The following TLN2 variants were observed in gnomAD, a reference collection of about 807,000 sequenced individuals.
TLN2 encodes talin-2.
In TLN2, 118 loss-of-function variants were observed where a neutral mutation model predicts 294.7. The observed-to-expected ratio is 0.40, with a 90% CI of 0.34 to 0.47. The LOEUF (loss-of-function observed/expected upper bound fraction) is 0.47, where lower values mean the gene tolerates loss of function less well. Ranked by LOEUF, TLN2 falls within the 20% of genes least tolerant of loss-of-function variation. TLN2 has a pLI of 0.84. For missense variants in TLN2, 3,083 were observed against 3,282.2 expected (o/e 0.94, Z 1.48); for synonymous variants, 1,431 against 1,304.5 (o/e 1.10, Z -2.09).
rs138427569 is a variant in TLN2 at position 62,641,639 on chromosome 15, A to T, written c.-36-5636A>T. Among the ~76,000 whole-genome samples, 435 of 125,106 alleles carry T rather than the reference A, an allele frequency of 3.5e-3. 1 individual carries two copies. Among genetic ancestry groups the T allele is most frequent in the African/African-American group, 9.2e-3 (336 of 36,588 alleles). 82.1% of individuals were successfully genotyped at this position (125,106 alleles called of 152,430 possible). On this transcript the variant is annotated intron_variant, in intron 3 of 58. Coordinates refer to ENST00000636159, the MANE Select transcript of TLN2 (RefSeq NM_015059.3). ...TCCATCTAAAAAATAAAAATAAAAA[A>T]AAAATAATAATAACAAGCCCTTACC...
chr15:62,649,352 T>G (rs962718820), intron 4 of TLN2, among the ~76,000 whole-genome samples: 1 of 152,066 alleles, frequency 6.6e-6, no homozygotes, highest in African/African-American at 2.4e-5. Flanking sequence ...GGTATAAACC[T>G]TTAAAGATTT....
Position 62,796,277 on chromosome 15 carries a change from A to G in TLN2, c.6034A>G (p.Thr2012Ala), listed in dbSNP as rs2065470293. The G allele has an allele frequency of 1.2e-6, 2 of 1,613,736 alleles. No homozygotes were observed. Among genetic ancestry groups the G allele is most frequent in the Admixed American group, 1.7e-5 (1 of 59,968 alleles). Residue 2012 changes from threonine to alanine, a missense_variant, in exon 47 of 59, where the codon ACC (threonine) becomes GCC (alanine). Transcript: ENST00000636159. Reference sequence around the variant, plus strand: ...GACGCTGAATGCAGAGAACAGTGAGACCTTCGCAGACCACAGGTACGTGGG... The same window carrying G: ...GACGCTGAATGCAGAGAACAGTGAGGCCTTCGCAGACCACAGGTACGTGGG... ...AGTLNAENSE[T>A]FADHRENILK...
rs1010592315 is a variant in TLN2, at chr15:62,701,276, T to A, written c.1696+62T>A. The A allele has an allele frequency of 1.5e-4, 196 of 1,324,658 alleles. 2 individuals carry two copies. The highest frequency in any genetic ancestry group is 2.6e-4 in the African/African-American group (17 of 66,570). 82.1% of individuals were successfully genotyped at this position (1,324,658 alleles called of 1,614,324 possible). ...TGTTTAAAAGCTGTGTTTTTTTTTT[T>A]AATTTTAAAAAATAAGTTATCTGTT... On this transcript the variant is annotated intron_variant, in intron 17 of 58. Transcript: ENST00000636159.
At chr15:62,620,367 G>C (rs1310970596) in intron 3 of TLN2, among the ~76,000 whole-genome samples, 1 of 152,124 alleles carries the variant, frequency 6.6e-6, no homozygotes, top group Non-Finnish European at 1.5e-5. Context: ...ACTGGAAGAA[G>C]TTTTCCGTGA....
intron 37 of TLN2, among the ~76,000 whole-genome samples, chr15:62,758,890 G>A (rs2062478076): frequency 6.6e-6 from 1 of 152,182 alleles, no homozygotes; most frequent in African/African-American, 2.4e-5. Flanking sequence ...TTATTGTCTG[G>A]AGAATTGGGA....
intron 1 of TLN2, among the ~76,000 whole-genome samples, chr15:62,556,913 CTG>C (rs1232547823): frequency 6.6e-6 from 1 of 152,150 alleles, no homozygotes; most frequent in Non-Finnish European, 1.5e-5. Context: ...ATCAAATTAA[CTG>C]TAATCAGGGG....
At chr15:62,701,725 G>A (rs1393511049) in intron 17 of TLN2, among the ~76,000 whole-genome samples, 1 of 152,172 alleles carries the variant, frequency 6.6e-6, no homozygotes, top group Non-Finnish European at 1.5e-5. Flanking sequence ...GGGGCCTAAT[G>A]AAAAGGGCTG....
At chr15:62,833,670 C>A (rs115937989) in intron 55 of TLN2, 41 bp downstream of exon 55, 1 of 1,598,442 alleles carries the variant, frequency 6.3e-7, no homozygotes, top group Non-Finnish European at 8.5e-7. Context: ...ACTCAACGTA[C>A]GAGAGCCTCA....
chr15:62,560,282 C>G (rs1359918955), intron 1 of TLN2, among the ~76,000 whole-genome samples: 1 of 152,132 alleles, frequency 6.6e-6, no homozygotes, highest in Non-Finnish European at 1.5e-5. Context: ...GCTCTGCCAC[C>G]CAGGCTGGAG....
intron 1 of TLN2, among the ~76,000 whole-genome samples, chr15:62,457,297 C>G (rs1216989082): frequency 1.3e-5 from 2 of 152,128 alleles, no homozygotes; most frequent in Admixed American, 1.3e-4. Flanking sequence ...GGCAGGCTCT[C>G]TGGCATCTCC....
chr15:62,641,454 T>C (rs914170943), intron 3 of TLN2, among the ~76,000 whole-genome samples: 3 of 151,738 alleles, frequency 2.0e-5, no homozygotes, highest in Admixed American at 2.0e-4. Context: ...CCATCTCTAC[T>C]AAAAATACAA....
chr15:62,693,700 A>G (rs2058097744), intron 13 of TLN2, among the ~76,000 whole-genome samples: 1 of 152,146 alleles, frequency 6.6e-6, no homozygotes, highest in Admixed American at 6.5e-5. Context: ...CATTCAAAAA[A>G]CCAAGATTTA....
intron 1 of TLN2, among the ~76,000 whole-genome samples, chr15:62,558,359 T>C (rs2042722040): frequency 6.6e-6 from 1 of 152,204 alleles, no homozygotes. Context: ...GTGAGCTTCT[T>C]AAGGACCTGC....
intron 3 of TLN2, among the ~76,000 whole-genome samples, chr15:62,626,651 C>G (rs1322334779): frequency 6.6e-6 from 1 of 152,192 alleles, no homozygotes; most frequent in Non-Finnish European, 1.5e-5. Flanking sequence ...TAGAAGGCCA[C>G]TCTGACATCA....
At chr15:62,811,438 T>C (rs1471047705) in intron 52 of TLN2, among the ~76,000 whole-genome samples, 4 of 152,200 alleles carry the variant, frequency 2.6e-5, no homozygotes, top group African/African-American at 4.8e-5. Context: ...TTAAAGACAG[T>C]AACACCAGCA....
intron 1 of TLN2, among the ~76,000 whole-genome samples, chr15:62,493,065 T>C (rs980933114): frequency 2.0e-5 from 3 of 152,156 alleles, no homozygotes; most frequent in Non-Finnish European, 2.9e-5. Context: ...TCTGGCCTTC[T>C]TTGGGGGTGC....
chr15:62,727,177 G>A lies in TLN2; in HGVS notation c.3346G>A (p.Glu1116Lys), dbSNP rs200129296. The change falls in exon 28 of 59, where the codon GAA becomes AAA. Residue 1116 changes from glutamate (E) to lysine (K), a missense_variant. Glu to Lys is a moderately conservative substitution (Grantham distance 56). Transcript: ENST00000636159. ...GCTGACCTGTGCTGCTCAAGGCAACGAACACTACACAGGTGAGACCCACGC... is the reference window on the plus strand; with the variant it reads ...GCTGACCTGTGCTGCTCAAGGCAACAAACACTACACAGGTGAGACCCACGC... ...QLLTCAAQGN[E>K]HYTGVAARET... 8.1e-6 allele frequency: 13 copies of A among 1,614,152 alleles called. No homozygotes were observed. The highest frequency in any genetic ancestry group is 2.7e-5 in the African/African-American group (2 of 75,046).
At chr15:62,824,090 A>C (rs1333807583) in intron 54 of TLN2, 1 of 442,876 alleles carries the variant, frequency 2.3e-6, no homozygotes, top group South Asian at 1.7e-5. Flanking sequence ...AGGAAAGAAC[A>C]CGTTAAAATC....
chr15:62,777,109 C>T (rs2063770180), intron 43 of TLN2, among the ~76,000 whole-genome samples, 199 bp downstream of exon 43: 1 of 152,044 alleles, frequency 6.6e-6, no homozygotes, highest in Non-Finnish European at 1.5e-5. Context: ...GCCAGTTGTG[C>T]CTTCTAATTT....
Sources: gnomAD v4.1 joint callset for allele counts (sites outside exome capture counted in the v4.1 genomes callset) on GRCh38, gnomAD v4.1.1 for gene constraint, MANE v1.5 for transcripts, NCBI Gene and HGNC (gene_info 2026-07-23, HGNC 2026-07-21) for gene names.